The following USP4 variants were observed in gnomAD, a reference collection of about 807,000 sequenced individuals.
USP4 encodes the protein ubiquitin carboxyl-terminal hydrolase 4.
A neutral mutation model predicts 118.2 loss-of-function variants in USP4; 72 were observed. The ratio of observed to expected loss-of-function variants is 0.61; its 90% CI spans 0.50 to 0.74. The LOEUF is 0.74. USP4 is among the 30% of genes least tolerant of loss of function. The pLI is 0.00. For missense variants in USP4, 1,037 were observed against 1,185.7 expected (o/e 0.87, Z 1.84); for synonymous variants, 415 against 440.4 (o/e 0.94, Z 0.72).
rs1291189828 is a variant in USP4 at position 49,301,810 on chromosome 3, T to A, written c.1287+574A>T. On this transcript the variant is annotated intron_variant, in intron 10 of 21. Transcript: ENST00000265560. The stretch of plus-strand genomic sequence containing the variant: ...AAAGCATTCATATTGATTATCCCAA[T>A]GTGATAGGGTAGCTGAAATACTAAA... 3.3e-5 allele frequency among the ~76,000 whole-genome samples: 5 copies of A among 152,316 alleles called. No individual in the cohort carries two copies. In the East Asian group the frequency reaches 9.6e-4, roughly 29 times the overall value.
At chr3:49,323,049 C>G (rs146406341) in intron 6 of USP4, among the ~76,000 whole-genome samples, 19 of 151,018 alleles carry the variant, frequency 1.3e-4, no homozygotes, top group African/African-American at 3.9e-4. Flanking sequence ...TTCCCTGCAA[C>G]CTCCGCCTCC....
intron 13 of USP4, among the ~76,000 whole-genome samples, chr3:49,297,245 G>A (rs929962563): frequency 6.6e-6 from 1 of 152,130 alleles, no homozygotes; most frequent in Non-Finnish European, 1.5e-5. Context: ...GGGAGCAGCC[G>A]GCAAGTTATT....
chr3:49,339,878 C>G, intron 1 of USP4, 46 bp downstream of exon 1: 1 of 1,549,226 alleles, frequency 6.5e-7, no homozygotes, highest in Non-Finnish European at 8.8e-7. Context: ...GCCCCTTTTT[C>G]TCGGCCCCTG....
chr3:49,329,446 G>A (rs2047591072), intron 2 of USP4, among the ~76,000 whole-genome samples: 1 of 152,050 alleles, frequency 6.6e-6, no homozygotes, highest in Non-Finnish European at 1.5e-5. Context: ...TATCACCCAG[G>A]CTGAAGTGCA....
chr3:49,302,450 T>C lies in USP4; in HGVS notation c.1221A>G (p.Glu407=), dbSNP rs768432326. ...GCTTTTTCTTTACCCGGTTCAGATC[T>C]TCATGCAATCCATCTAGAAGAAAGG... ...LLAFLLDGLH[E]DLNRVKKKPY... Residue 407 remains glutamate, a synonymous_variant, in exon 10 of 22, where the codon GAA becomes GAG. Coordinates refer to ENST00000265560, the MANE Select transcript of USP4 (RefSeq NM_003363.4). 1.2e-5 allele frequency: 19 copies of C among 1,614,088 alleles called. No individual in the cohort carries two copies. The Admixed American group carries it at 3.0e-4, about 25-fold the overall frequency.
chr3:49,280,701 G>T, intron 20 of USP4, 43 bp downstream of exon 20: 1 of 1,534,928 alleles, frequency 6.5e-7, no homozygotes, highest in Non-Finnish European at 9.0e-7. Flanking sequence ...TGATGGCCGA[G>T]CACATTTCAA....
intron 15 of USP4, among the ~76,000 whole-genome samples, chr3:49,286,816 CTCTATCTA>C (rs57920190): frequency 0.024 from 3,458 of 141,324 alleles, 70 homozygotes; most frequent in African/African-American, 0.053. Context: ...ACTCTAGCCA[CTCTATCTA>C]TCTATCTATC....
intron 6 of USP4, chr3:49,318,334 C>G: frequency 1.0e-6 from 1 of 985,518 alleles, no homozygotes. Context: ...GACTCCACAC[C>G]AACACTGTGA....
chr3:49,333,168 G>C (rs1036745162), intron 2 of USP4, among the ~76,000 whole-genome samples: 1 of 147,004 alleles, frequency 6.8e-6, no homozygotes, highest in Non-Finnish European at 1.5e-5. Flanking sequence ...TTTTGAGATG[G>C]AGTCTCACTT....
In USP4 at chr3:49,277,381, C is replaced by G; in HGVS notation, c.*912G>C. The G allele has an allele frequency of 2.1e-6, 1 of 481,240 alleles. No homozygotes were observed. Among genetic ancestry groups the G allele is most frequent in the Non-Finnish European group, 3.4e-6 (1 of 295,344 alleles). The allele number at this position is 481,240 out of a possible 1,614,324, so 29.8% of individuals were successfully genotyped here. A position where few individuals can be genotyped will look rare whatever the true frequency, so the allele number is the denominator to read the frequency against. Reference sequence around the variant, plus strand: ...GGACGGGGCTTTCGAATGGGGGCCCCGGGAAGAGTCTTGGCAGGGATGAGG... The same window carrying G: ...GGACGGGGCTTTCGAATGGGGGCCCGGGGAAGAGTCTTGGCAGGGATGAGG... On this transcript the variant is annotated 3_prime_UTR_variant, in exon 22 of 22. Transcript: ENST00000265560.
chr3:49,334,861 C>CT (rs2047653368), intron 2 of USP4, among the ~76,000 whole-genome samples: 1 of 152,146 alleles, frequency 6.6e-6, no homozygotes, highest in South Asian at 2.1e-4. Context: ...TCTATCATGA[C>CT]TTTAAAGAGG....
At chr3:49,329,594 T>C (rs922337042) in intron 2 of USP4, among the ~76,000 whole-genome samples, 5 of 151,868 alleles carry the variant, frequency 3.3e-5, no homozygotes, top group Non-Finnish European at 7.4e-5. Flanking sequence ...AGGGATGGGG[T>C]TTTGCCAAGT....
chr3:49,302,956 C>T (rs2047276259), intron 9 of USP4, among the ~76,000 whole-genome samples: 1 of 152,218 alleles, frequency 6.6e-6, no homozygotes, highest in Non-Finnish European at 1.5e-5. Context: ...TCCCTAAATA[C>T]TGTCTGTCCA....
chr3:49,284,243 G>C (rs545228777), intron 18 of USP4, 107 bp from the exon 19 acceptor site: 1 of 1,455,504 alleles, frequency 6.9e-7, no homozygotes, highest in African/African-American at 1.4e-5. Context: ...CCATCCTCTC[G>C]GTCAGCACTC....
Position 49,299,310 on chromosome 3 carries a change from G to A in USP4, c.1513-675C>T, listed in dbSNP as rs534324773. Among the ~76,000 whole-genome samples, 142 of 151,242 alleles carry A rather than the reference G, an allele frequency of 9.4e-4. 1 individual carries two copies. Among genetic ancestry groups the A allele is most frequent in the African/African-American group, 3.3e-3 (134 of 41,172 alleles). On this transcript the variant is annotated intron_variant, in intron 11 of 21. Transcript: ENST00000265560. Reference sequence around the variant, plus strand: ...TCACCATGTTGGTCAGGGTGGTCTCGAACTCCTGACCTCGTGATCTGCCCG... The same window carrying A: ...TCACCATGTTGGTCAGGGTGGTCTCAAACTCCTGACCTCGTGATCTGCCCG...
intron 6 of USP4, among the ~76,000 whole-genome samples, chr3:49,322,486 C>T (rs2047512489): frequency 6.6e-6 from 1 of 152,148 alleles, no homozygotes; most frequent in Non-Finnish European, 1.5e-5. Context: ...GCAGAATGTG[C>T]ATATAATTCT....
chr3:49,339,701 C>T (rs2047716188), intron 1 of USP4, among the ~76,000 whole-genome samples: 2 of 152,172 alleles, frequency 1.3e-5, no homozygotes, highest in East Asian at 1.9e-4. Flanking sequence ...CCCCGCCGGG[C>T]CCGCCCCCTA....
At chr3:49,325,442 G>A (rs533282667) in intron 4 of USP4, among the ~76,000 whole-genome samples, 1 of 151,888 alleles carries the variant, frequency 6.6e-6, no homozygotes, top group South Asian at 2.1e-4. Context: ...TGTAAACCTT[G>A]CTGAGATTTT....
intron 6 of USP4, among the ~76,000 whole-genome samples, chr3:49,323,318 G>A (rs945997047): frequency 1.0e-4 from 14 of 140,690 alleles, no homozygotes; most frequent in Non-Finnish European, 1.8e-4. Context: ...TCTTGCTGTC[G>A]CCCAGGCTGG....
Sources: gnomAD v4.1 joint callset for allele counts (sites outside exome capture counted in the v4.1 genomes callset) on GRCh38, gnomAD v4.1.1 for gene constraint, MANE v1.5 for transcripts, NCBI Gene and HGNC (gene_info 2026-07-23, HGNC 2026-07-21) for gene names.